Variants in GAB2 observed in about 807,000 individuals in gnomAD.
GAB2 encodes GRB2-associated-binding protein 2.
GAB2 carries 26 observed loss-of-function variants against 65.5 expected under a neutral mutation model. The ratio of observed to expected loss-of-function variants is 0.40; its 90% CI spans 0.29 to 0.55. The LOEUF (loss-of-function observed/expected upper bound fraction) is 0.55. GAB2 is among the 20% of genes least tolerant of loss of function. The pLI, the probability that GAB2 is intolerant of heterozygous loss-of-function variation, is 0.53. For missense variants in GAB2, 884 were observed against 875.8 expected, an observed-to-expected ratio of 1.01 and a Z score of -0.12; for synonymous variants, 321 against 329.6, an observed-to-expected ratio of 0.97 and a Z score of 0.28.
intron 1 of GAB2, among the ~76,000 whole-genome samples, chr11:78,414,284 A>T (rs1312027144): frequency 1.3e-5 from 2 of 152,118 alleles, no homozygotes; most frequent in African/African-American, 4.8e-5. Context: ...TTTTTATTCC[A>T]AGCACCTGAT....
At chr11:78,355,654 G>C (rs1856346944) in intron 1 of GAB2, among the ~76,000 whole-genome samples, 1 of 111,440 alleles carries the variant, frequency 9.0e-6, no homozygotes, top group Non-Finnish European at 1.6e-5. Flanking sequence ...TTCAGCCTGG[G>C]AAACAGAGAG....
chr11:78,278,637 C>G (rs575352259), intron 2 of GAB2, among the ~76,000 whole-genome samples: 4 of 152,142 alleles, frequency 2.6e-5, no homozygotes, highest in Non-Finnish European at 4.4e-5. Context: ...CCTCAGCCTC[C>G]CAAAGTGCTG....
chr11:78,288,889 G>T (rs1370357879), intron 1 of GAB2, among the ~76,000 whole-genome samples: 1 of 152,196 alleles, frequency 6.6e-6, no homozygotes, highest in African/African-American at 2.4e-5. Flanking sequence ...AATAAAATGG[G>T]AAGAATCAGT....
chr11:78,218,994 G>A lies in GAB2; in HGVS notation c.*278C>T, dbSNP rs1864282519. On this transcript the variant is annotated 3_prime_UTR_variant, in exon 10 of 10. Coordinates refer to ENST00000361507, the MANE Select transcript of GAB2 (RefSeq NM_080491.3). ...TCTAAAGGACAGGAAGAGGCTGAAG[G>A]ATGCTTTTTGGAAGTAGCTCCTAAC... 7 of 416,138 alleles carry A rather than the reference G, an allele frequency of 1.7e-5. No individual in the cohort carries two copies. The Admixed American group carries it at 2.7e-4, about 16-fold the overall frequency. The allele number at this position is 416,138 out of a possible 1,614,324, so 25.8% of individuals were successfully genotyped here. A position where few individuals can be genotyped will look rare whatever the true frequency, so the allele number is the denominator to read the frequency against.
At chr11:78,341,239 T>G (rs1856088741) in intron 1 of GAB2, among the ~76,000 whole-genome samples, 1 of 152,282 alleles carries the variant, frequency 6.6e-6, no homozygotes. Flanking sequence ...ATTTATTGAA[T>G]GCCTATTATG....
Position 78,225,115 on chromosome 11 carries a change from G to A in GAB2, c.1295C>T (p.Ser432Phe). 2 of 1,610,248 alleles carry A rather than the reference G, an allele frequency of 1.2e-6. No homozygotes were observed. Among genetic ancestry groups the A allele is most frequent in the South Asian group, 2.2e-5 (2 of 91,008 alleles). Residue 432 changes from serine to phenylalanine, a missense_variant, in exon 5 of 10, where the codon TCT (serine) becomes TTT (phenylalanine). Physicochemically the swap from Ser to Phe is radical, Grantham distance 155. Transcript: ENST00000361507. ...GGGTTAACCCACACTCACCAGGAAA[G>A]AGCCAACTCCATCACTCATGGATTC... ...SAESMSDGVGSFLPGKMIVGR... is the reference protein window; with the variant it reads ...SAESMSDGVGFFLPGKMIVGR...
At chr11:78,310,427 G>C (rs1591025905) in intron 1 of GAB2, among the ~76,000 whole-genome samples, 1 of 150,800 alleles carries the variant, frequency 6.6e-6, no homozygotes, top group African/African-American at 2.4e-5. Flanking sequence ...GCAGGAGAAT[G>C]GCGTGAACCT....
At chr11:78,329,200 T>C (rs1054327870) in intron 1 of GAB2, among the ~76,000 whole-genome samples, 4 of 152,144 alleles carry the variant, frequency 2.6e-5, no homozygotes, top group Non-Finnish European at 5.9e-5. Flanking sequence ...CATTTAAAAA[T>C]GTTAGCAAAA....
At chr11:78,229,486 A>G (rs1226089201) in intron 3 of GAB2, among the ~76,000 whole-genome samples, 1 of 152,182 alleles carries the variant, frequency 6.6e-6, no homozygotes, top group African/African-American at 2.4e-5. Flanking sequence ...GAATGAACTC[A>G]TCATCTTCCT....
At chr11:78,254,722 C>T (rs1274373263) in intron 2 of GAB2, among the ~76,000 whole-genome samples, 1 of 151,778 alleles carries the variant, frequency 6.6e-6, no homozygotes, top group African/African-American at 2.4e-5. Flanking sequence ...CTGCTCCAAC[C>T]CAAGAGATTG....
chr11:78,274,783 G>T (rs931558418), intron 2 of GAB2, among the ~76,000 whole-genome samples: 5 of 152,170 alleles, frequency 3.3e-5, no homozygotes, highest in African/African-American at 7.2e-5. Context: ...GACCCCTGGG[G>T]GTGCTTCCAG....
rs1565189841 is a variant in GAB2, at chr11:78,412,397, T to TA, written c.75+5248dup. ...TGAATCTCCAGAGAATTATGCTGAA[T>TA]AAAAAAAAGTTCAAAATCTTAAGTA... On this transcript the variant is annotated intron_variant, in intron 1 of 9. Transcript: ENST00000361507. Among the ~76,000 whole-genome samples, 4 of 151,936 alleles carry TA rather than the reference T, an allele frequency of 2.6e-5. No homozygotes were observed. The South Asian group carries it at 6.2e-4, about 24-fold the overall frequency.
chr11:78,229,964 G>A (rs1000167572), intron 3 of GAB2, among the ~76,000 whole-genome samples: 1 of 152,104 alleles, frequency 6.6e-6, no homozygotes, highest in African/African-American at 2.4e-5. Context: ...TTAATCACTT[G>A]CTTAACTTTG....
chr11:78,300,526 A>AAAAAC (rs1554985532), intron 1 of GAB2, among the ~76,000 whole-genome samples: 3 of 145,416 alleles, frequency 2.1e-5, no homozygotes, highest in Admixed American at 1.4e-4. Context: ...TAAAAAAACA[A>AAAAAC]AAAAACAAAA....
At chr11:78,412,235 A>G (rs1341184499) in intron 1 of GAB2, among the ~76,000 whole-genome samples, 1 of 152,222 alleles carries the variant, frequency 6.6e-6, no homozygotes, top group Non-Finnish European at 1.5e-5. Flanking sequence ...AAAGATGTTC[A>G]ACATCATTAG....
At chr11:78,284,301 C>A (rs1463096684) in intron 1 of GAB2, among the ~76,000 whole-genome samples, 1 of 152,244 alleles carries the variant, frequency 6.6e-6, no homozygotes, top group African/African-American at 2.4e-5. Context: ...TGCTTCCACC[C>A]TTTCATCCTG....
At chr11:78,312,545 C>A (rs1172018047) in intron 1 of GAB2, among the ~76,000 whole-genome samples, 2 of 152,184 alleles carry the variant, frequency 1.3e-5, no homozygotes, top group African/African-American at 2.4e-5. Flanking sequence ...CCTGCCTCAG[C>A]CTCCCGAGTA....
chr11:78,257,525 T>C (rs530900624), intron 2 of GAB2, among the ~76,000 whole-genome samples: 1 of 152,332 alleles, frequency 6.6e-6, no homozygotes, highest in Admixed American at 6.5e-5. Context: ...ATAGAGATCA[T>C]TTTATATCAT....
intron 1 of GAB2, among the ~76,000 whole-genome samples, chr11:78,340,483 C>A (rs539139223): frequency 6.6e-6 from 1 of 152,250 alleles, no homozygotes; most frequent in South Asian, 2.1e-4. Context: ...TCTACCCTTT[C>A]CTGTGTCATT....
Sources: allele counts gnomAD v4.1 joint callset (sites outside exome capture counted in the v4.1 genomes callset), GRCh38; gene constraint gnomAD v4.1.1; transcripts MANE v1.5; gene names NCBI Gene and HGNC (gene_info 2026-07-23, HGNC 2026-07-21).